WIZ: variants seen among roughly 807,000 people sequenced by gnomAD.
WIZ encodes the protein protein Wiz.
In WIZ, 25 loss-of-function variants were observed where a neutral mutation model predicts 140.2. The observed-to-expected ratio is 0.18, with a 90% confidence interval of 0.13 to 0.25. The LOEUF (loss-of-function observed/expected upper bound fraction) is 0.25. Ranked by LOEUF, WIZ falls within the 10% of genes least tolerant of loss-of-function variation. The probability of loss-of-function intolerance (pLI) is 1.00; values close to 1 mark genes in which losing one functional copy is unlikely to be tolerated. For synonymous variants in WIZ, 1,125 were observed against 1,154.3 expected (o/e 0.97, Z 0.51); for missense variants, 2,231 against 2,632.6 (o/e 0.85, Z 3.34).
chr19:15,437,147 G>C lies in WIZ; in HGVS notation c.2417-18C>G. The C allele has an allele frequency of 6.4e-7, 1 of 1,564,036 alleles. No individual in the cohort carries two copies. Among genetic ancestry groups the C allele is most frequent in the Non-Finnish European group, 8.7e-7 (1 of 1,155,360 alleles). The stretch of plus-strand genomic sequence containing the variant: ...GTTGGCCACTGTGGAGAGAGGACAG[G>C]ACTGCCTGAGGTGGAGAGGGGGCTA... On this transcript the variant is annotated intron_variant, in intron 4 of 12. Coordinates refer to ENST00000673675, the MANE Select transcript of WIZ (RefSeq NM_001371589.1).
chr19:15,436,678 C>A, intron 5 of WIZ, 128 bp downstream of exon 5: 1 of 987,778 alleles, frequency 1.0e-6, no homozygotes, highest in Non-Finnish European at 1.4e-6. Flanking sequence ...AAGTCATCAA[C>A]ATACTTTGTA....
intron 12 of WIZ, 90 bp from the exon 13 acceptor site, chr19:15,423,325 C>A: frequency 6.7e-7 from 1 of 1,492,312 alleles, no homozygotes; most frequent in Non-Finnish European, 9.0e-7. Flanking sequence ...ACACCTGCTG[C>A]TACTCAGTGT....
chr19:15,424,320 G>A lies in WIZ; in HGVS notation c.5373C>T (p.Asp1791=). ...PDASAARGGE[D]TNDLQQKLEE... ...CCAGCTTCTGCTGTAGGTCATTGGT[G>A]TCCTCGCCTCCCCGGGCTGCGGAGG... is the stretch of plus-strand genomic sequence containing the variant. Residue 1791 remains aspartate (D), a synonymous_variant, in exon 12 of 13, where the codon GAC becomes GAT. Transcript: ENST00000673675. This position sits in a 1 kb window ranked among gnomAD's most constrained non-coding sequence, Gnocchi z 9.7. 1 of 1,604,584 alleles carries A rather than the reference G, an allele frequency of 6.2e-7. No individual in the cohort carries two copies. The highest frequency in any genetic ancestry group is 8.5e-7 in the Non-Finnish European group (1 of 1,177,236).
In WIZ at chr19:15,424,232, G is replaced by C. The variant is rs746560285; in HGVS notation, c.5461C>G (p.Gln1821Glu). ...PVPSLVPRPP[Q>E]TSLVKFVGNI... ...CCCACGAACTTGACAAGTGATGTCT[G>C]GGGGGGCCGGGGCACCAGGGAGGGG... The change falls in exon 12 of 13, where the codon CAG (glutamine) becomes GAG (glutamate). Residue 1821 changes from glutamine (Q) to glutamate (E), a missense_variant. Around this residue, in one of 15 missense-constraint regions of WIZ, gnomAD observed 299 missense variants for 309.6 expected, o/e 0.97. Transcript: ENST00000673675. This position sits in a 1 kb window ranked among gnomAD's most constrained non-coding sequence, Gnocchi z 9.7. 12 of 1,577,598 alleles carry C rather than the reference G, an allele frequency of 7.6e-6. No individual in the cohort carries two copies. The highest frequency in any genetic ancestry group is 2.3e-5 in the South Asian group (2 of 86,948).
chr19:15,447,170 TG>T (rs922823672), intron 2 of WIZ, among the ~76,000 whole-genome samples: 2 of 152,082 alleles, frequency 1.3e-5, no homozygotes, highest in African/African-American at 4.8e-5. Context: ...TGTTTGGAGA[TG>T]GGGGTGGGGG....
In WIZ at chr19:15,439,990, C is replaced by T; in HGVS notation, c.1004G>A (p.Ser335Asn). Reference sequence around the variant, plus strand: ...CTGGCCCGGGGCTCGGCGGTGCTGGCTCATGTGCTCCAGGAGGTGCTCCTT... The same window carrying T: ...CTGGCCCGGGGCTCGGCGGTGCTGGTTCATGTGCTCCAGGAGGTGCTCCTT... ...KQKEHLLEHMSQHRRAPGQEP... is the reference protein window; with the variant it reads ...KQKEHLLEHMNQHRRAPGQEP... Residue 335 changes from serine to asparagine, a missense_variant, in exon 4 of 13, where the codon AGC (serine) becomes AAC (asparagine). Ser to Asn is a conservative substitution (Grantham distance 46). Transcript: ENST00000673675. This position sits in a 1 kb window ranked among gnomAD's most constrained non-coding sequence, Gnocchi z 7.0. 2.0e-6 allele frequency: 3 copies of T among 1,535,842 alleles called. No homozygotes were observed. Among genetic ancestry groups the T allele is most frequent in the Non-Finnish European group, 1.7e-6 (2 of 1,146,792 alleles).
chr19:15,446,141 C>T (rs1045065329), intron 2 of WIZ, among the ~76,000 whole-genome samples: 3 of 152,144 alleles, frequency 2.0e-5, no homozygotes, highest in African/African-American at 7.2e-5. Flanking sequence ...TGGGCCTGGC[C>T]CCCCTCAGCA....
In WIZ at chr19:15,427,519, G is replaced by C; in HGVS notation, c.3829C>G (p.Pro1277Ala). Reference protein sequence around the residue: ...SPLNLSSGPEPARDIRCEFCG... With the variant: ...SPLNLSSGPEAARDIRCEFCG... Reference sequence around the variant, plus strand: ...AACTCGCAGCGGATGTCTCGTGCTGGCTCTGGGCCTGAGGCTGCAGCAGGA... The same window carrying C: ...AACTCGCAGCGGATGTCTCGTGCTGCCTCTGGGCCTGAGGCTGCAGCAGGA... Residue 1277 changes from proline (P) to alanine (A), a missense_variant, in exon 9 of 13, where the codon CCA becomes GCA. Pro to Ala is a conservative substitution (Grantham distance 27). Transcript: ENST00000673675. The surrounding 1 kb of genome is among the most constrained non-coding windows in gnomAD (Gnocchi z 6.4). The C allele has an allele frequency of 1.9e-6, 3 of 1,608,072 alleles. No homozygotes were observed. The highest frequency in any genetic ancestry group is 2.2e-5 in the South Asian group (2 of 90,950).
At position 15,431,089 on chromosome 19, in the gene WIZ, T is replaced by C. The variant is rs1206912856; in HGVS notation, c.2834A>G (p.Gln945Arg). 6.5e-7 allele frequency: 1 copy of C among 1,535,858 alleles called. No individual in the cohort carries two copies. The highest frequency in any genetic ancestry group is 8.7e-7 in the Non-Finnish European group (1 of 1,146,836). The change falls in exon 6 of 13, where the codon CAG becomes CGG. Residue 945 changes from glutamine (Q) to arginine (R), a missense_variant. Physicochemically the swap from Gln to Arg is conservative, Grantham distance 43. This residue lies in a region of WIZ where 137 missense variants were observed against 135.8 expected (regional missense o/e 1.01). Coordinates refer to ENST00000673675, the MANE Select transcript of WIZ (RefSeq NM_001371589.1). ...TTTGCTGCTCAGCCGACTGGCCACC[T>C]GCTCCAGGGCCCCAGGGACAGGCAG... ...KSLPVPGALE[Q>R]VASRLSSKVA...
chr19:15,426,552 A>C (rs1599657274), intron 9 of WIZ, among the ~76,000 whole-genome samples: 1 of 152,212 alleles, frequency 6.6e-6, no homozygotes, highest in East Asian at 1.9e-4. Flanking sequence ...AGGAACAGAG[A>C]TCTTAACTCA....
chr19:15,433,631 A>C (rs1227170054), intron 5 of WIZ, among the ~76,000 whole-genome samples: 2 of 152,112 alleles, frequency 1.3e-5, no homozygotes, highest in Non-Finnish European at 2.9e-5. Context: ...CTTATACCCC[A>C]GTGCCTCCTG....
chr19:15,429,695 AG>A lies in WIZ; in HGVS notation c.3305del (p.Pro1102LeufsTer15). 1 of 1,441,674 alleles carries A rather than the reference AG, an allele frequency of 6.9e-7. No individual in the cohort carries two copies. Among genetic ancestry groups the A allele is most frequent in the Non-Finnish European group, 9.1e-7 (1 of 1,100,910 alleles). 89.3% of individuals were successfully genotyped at this position (1,441,674 alleles called of 1,614,324 possible). A position where few individuals can be genotyped will look rare whatever the true frequency, so the allele number is the denominator to read the frequency against. On this transcript the variant is annotated frameshift_variant, in exon 7 of 13. Coordinates refer to ENST00000673675, the MANE Select transcript of WIZ (RefSeq NM_001371589.1). LOFTEE classifies it high-confidence loss of function. ...KKTPLALAGS[P>X]TPKNPEDKSP... ...TCTTGTCCTCAGGATTCTTAGGGGT[AG>A]GGGAGCCCGCCAGGGCCAGTGGTGT...
chr19:15,442,422 A>C lies in WIZ; in HGVS notation c.278+254T>G, dbSNP rs1435267423. On this transcript the variant is annotated intron_variant, in intron 3 of 12. Coordinates refer to ENST00000673675, the MANE Select transcript of WIZ (RefSeq NM_001371589.1). The surrounding 1 kb of genome is among the most constrained non-coding windows in gnomAD (Gnocchi z 5.5). ...GGCAGAGAGAGGACTTGAAGGGTCC[A>C]ACATCCAGGCTCCTGCCCCTCTGGC... Among the ~76,000 whole-genome samples, 1 of 152,180 alleles carries C rather than the reference A, an allele frequency of 6.6e-6. No individual in the cohort carries two copies. The highest frequency in any genetic ancestry group is 1.9e-4 in the East Asian group (1 of 5,186).
In WIZ at chr19:15,427,157, C is replaced by A; in HGVS notation, c.4191G>T (p.Thr1397=). ...CCAGGCCTGGGAACATCTTTCGGGC[C>A]GTAGGAGGAGGAGAGGCAGTTGGTG... ...GHSPTASPPP[T]ARKMFPGLAA... Residue 1397 remains threonine, a synonymous_variant, in exon 9 of 13, where the codon ACG becomes ACT. Coordinates refer to ENST00000673675, the MANE Select transcript of WIZ (RefSeq NM_001371589.1). This position sits in a 1 kb window ranked among gnomAD's most constrained non-coding sequence, Gnocchi z 6.4. The A allele has an allele frequency of 6.2e-7, 1 of 1,614,140 alleles. No individual in the cohort carries two copies. Among genetic ancestry groups the A allele is most frequent in the Non-Finnish European group, 8.5e-7 (1 of 1,180,020 alleles).
At chr19:15,426,606 G>A (rs1968837390) in intron 9 of WIZ, among the ~76,000 whole-genome samples, 1 of 152,212 alleles carries the variant, frequency 6.6e-6, no homozygotes, top group South Asian at 2.1e-4. Flanking sequence ...AAAAATGTCA[G>A]AAAGACACAG....
At position 15,424,959 on chromosome 19, in the gene WIZ, T is replaced by C. The variant is rs1395634455; in HGVS notation, c.4968A>G (p.Ala1656=). ...CGGTCACGCCGAACTGCCGCAGGTG[T>C]GCCCGTGCGTGGCTGGCCAGGGCCT... ...NRKALASHAR[A]HLRQFGVTEW... The change falls in exon 11 of 13, where the codon GCA becomes GCG. Residue 1656 remains alanine, a synonymous_variant. Coordinates refer to ENST00000673675, the MANE Select transcript of WIZ (RefSeq NM_001371589.1). This position sits in a 1 kb window ranked among gnomAD's most constrained non-coding sequence, Gnocchi z 9.7. The C allele has an allele frequency of 6.2e-7, 1 of 1,607,386 alleles. No individual in the cohort carries two copies. The highest frequency in any genetic ancestry group is 1.1e-5 in the South Asian group (1 of 89,766).
chr19:15,440,323 T>A lies in WIZ; in HGVS notation c.671A>T (p.Asp224Val), dbSNP rs975181393. The part of the protein sequence containing the change: ...PFRRVFVPVE[D>V]TPKTLDMAVV... Reference sequence around the variant, plus strand: ...CGCCATGTCCAGCGTCTTCGGGGTGTCTTCCACTGGCACAAACACCCTCCT... The same window carrying A: ...CGCCATGTCCAGCGTCTTCGGGGTGACTTCCACTGGCACAAACACCCTCCT... Residue 224 changes from aspartate (D) to valine (V), a missense_variant, in exon 4 of 13, where the codon GAC becomes GTC. Coordinates refer to ENST00000673675, the MANE Select transcript of WIZ (RefSeq NM_001371589.1). The surrounding 1 kb of genome is among the most constrained non-coding windows in gnomAD (Gnocchi z 6.2). 14 of 1,520,622 alleles carry A rather than the reference T, an allele frequency of 9.2e-6. No homozygotes were observed. Among genetic ancestry groups the A allele is most frequent in the Non-Finnish European group, 1.2e-5 (14 of 1,137,548 alleles). 94.2% of individuals were successfully genotyped at this position (1,520,622 alleles called of 1,614,324 possible).
Position 15,425,473 on chromosome 19 carries a change from C to T in WIZ, c.4662G>A (p.Leu1554=), listed in dbSNP as rs1399739337. ...CACCTGGTTTGCCTGGCCGGCCAGC[C>T]AGGGGCGACAGCGGCAGTGGGGACT... ...PVQSPLPLSP[L]AGRPGKPGAG... Residue 1554 remains leucine (L), a synonymous_variant, in exon 10 of 13, where the codon CTG becomes CTA. Transcript: ENST00000673675. The T allele has an allele frequency of 6.2e-7, 1 of 1,601,088 alleles. No individual in the cohort carries two copies. The highest frequency in any genetic ancestry group is 1.3e-5 in the African/African-American group (1 of 74,680).
In WIZ at chr19:15,424,576, C is replaced by T. The variant is rs1968594595; in HGVS notation, c.5314+37G>A. The T allele has an allele frequency of 6.4e-7, 1 of 1,554,148 alleles. No homozygotes were observed. Among genetic ancestry groups the T allele is most frequent in the Non-Finnish European group, 8.6e-7 (1 of 1,157,584 alleles). ...GTGGCTGGGTGGGCCTGACAGGTGC[C>T]CGCTGCGCTCCCGACCCTCCTCCAC... On this transcript the variant is annotated intron_variant, in intron 11 of 12. Coordinates refer to ENST00000673675, the MANE Select transcript of WIZ (RefSeq NM_001371589.1). The surrounding 1 kb of genome is among the most constrained non-coding windows in gnomAD (Gnocchi z 9.7).
Sources: gnomAD v4.1 joint callset for allele counts (sites outside exome capture counted in the v4.1 genomes callset) on GRCh38, gnomAD v4.1.1 for gene constraint, gnomAD v4.1.1 regional missense constraint, Gnocchi (gnomAD v3.1) non-coding constraint, MANE v1.5 for transcripts, NCBI Gene and HGNC (gene_info 2026-07-23, HGNC 2026-07-21) for gene names.